AUTS2: variants seen among roughly 807,000 people sequenced by gnomAD.
AUTS2 encodes the protein autism susceptibility gene 2 protein.
A neutral mutation model predicts 112.4 loss-of-function variants in AUTS2; 17 were observed. The observed-to-expected ratio is 0.15, with a 90% CI of 0.10 to 0.23. AUTS2 has a LOEUF of 0.23. Ranked by LOEUF, AUTS2 falls within the 10% of genes least tolerant of loss-of-function variation. The probability of loss-of-function intolerance (pLI) is 1.00; values close to 1 mark genes in which losing one functional copy is unlikely to be tolerated. For synonymous variants in AUTS2, 751 were observed against 702.7 expected, an observed-to-expected ratio of 1.07 and a Z score of -1.09; for missense variants, 1,510 against 1,701.6, an observed-to-expected ratio of 0.89 and a Z score of 1.98.
At chr7:69,688,859 A>G (rs570344824) in intron 1 of AUTS2, among the ~76,000 whole-genome samples, 4 of 152,364 alleles carry the variant, frequency 2.6e-5, no homozygotes, top group African/African-American at 9.6e-5. Flanking sequence ...GTCCATATCA[A>G]CAATACATAT....
chr7:70,360,358 G>T (rs1481282225), intron 4 of AUTS2, among the ~76,000 whole-genome samples: 1 of 152,112 alleles, frequency 6.6e-6, no homozygotes, highest in Non-Finnish European at 1.5e-5. Context: ...TGTTGTCCAG[G>T]CTGGTCTCAA....
intron 5 of AUTS2, among the ~76,000 whole-genome samples, chr7:70,526,811 C>T (rs1254689837): frequency 6.6e-6 from 1 of 152,210 alleles, no homozygotes; most frequent in Non-Finnish European, 1.5e-5. Context: ...GAAGTTCCTG[C>T]CCTTGCCTCC....
intron 4 of AUTS2, among the ~76,000 whole-genome samples, chr7:70,353,561 C>T (rs115366576): frequency 9.9e-4 from 150 of 152,236 alleles, no homozygotes; most frequent in African/African-American, 3.2e-3. Flanking sequence ...TAACTTGATC[C>T]GATCTTTCTC....
At chr7:70,700,351 G>C (rs1476311157) in intron 6 of AUTS2, among the ~76,000 whole-genome samples, 1 of 152,124 alleles carries the variant, frequency 6.6e-6, no homozygotes, top group Non-Finnish European at 1.5e-5. Context: ...ATCAACATAG[G>C]CTTTTTCTAA....
intron 4 of AUTS2, among the ~76,000 whole-genome samples, chr7:70,237,501 G>T (rs764940002): frequency 6.6e-6 from 1 of 152,200 alleles, no homozygotes; most frequent in Non-Finnish European, 1.5e-5. Flanking sequence ...TGTGTCCAAA[G>T]TGTAATATTT....
intron 4 of AUTS2, among the ~76,000 whole-genome samples, chr7:70,175,907 T>C (rs929654038): frequency 6.6e-6 from 1 of 152,208 alleles, no homozygotes; most frequent in African/African-American, 2.4e-5. Context: ...CAAAAGTTCA[T>C]GGGACTTGCT....
At chr7:70,653,081 T>C (rs79327251) in intron 5 of AUTS2, among the ~76,000 whole-genome samples, 1 of 152,080 alleles carries the variant, frequency 6.6e-6, no homozygotes, top group East Asian at 1.9e-4. Flanking sequence ...ATAGGAAGAC[T>C]CTATCTCTAC....
intron 5 of AUTS2, among the ~76,000 whole-genome samples, chr7:70,532,453 T>A (rs969621411): frequency 1.3e-5 from 2 of 152,132 alleles, no homozygotes; most frequent in African/African-American, 4.8e-5. Context: ...CCCTGTTATA[T>A]GAAGGTGTAG....
At chr7:69,959,861 C>T (rs565111888) in intron 2 of AUTS2, among the ~76,000 whole-genome samples, 2 of 152,208 alleles carry the variant, frequency 1.3e-5, no homozygotes, top group African/African-American at 4.8e-5. Context: ...GTATAGAAGG[C>T]ACTCCATAAA....
chr7:70,497,127 G>T (rs1427744765), intron 5 of AUTS2, among the ~76,000 whole-genome samples: 2 of 103,752 alleles, frequency 1.9e-5, no homozygotes, highest in African/African-American at 3.7e-5. Flanking sequence ...ACATGCACAC[G>T]TCACATCAGC....
chr7:69,879,383 C>T (rs1265065965), intron 1 of AUTS2, among the ~76,000 whole-genome samples: 1 of 151,364 alleles, frequency 6.6e-6, no homozygotes, highest in Non-Finnish European at 1.5e-5. Context: ...CTCCTGGGCT[C>T]AAGTCATCCA....
intron 5 of AUTS2, among the ~76,000 whole-genome samples, chr7:70,453,845 C>T (rs1220356346): frequency 6.6e-6 from 1 of 152,216 alleles, no homozygotes; most frequent in African/African-American, 2.4e-5. Context: ...CTTAATTAGT[C>T]CTATCTGCAA....
In AUTS2 at chr7:70,343,730, A is replaced by G. The variant is rs368386454; in HGVS notation, c.661-92022A>G. Among the ~76,000 whole-genome samples the G allele has an allele frequency of 7.9e-5, 12 of 152,278 alleles. No homozygotes were observed. The East Asian group carries it at 1.9e-3, about 24-fold the overall frequency. On this transcript the variant is annotated intron_variant, in intron 4 of 18. Transcript: ENST00000342771. ...GCCCGGGATAAAGAGAAGGTGGGGC[A>G]TTTGTGAAGGGGATTATGTTTTCCT... is the stretch of plus-strand genomic sequence containing the variant.
chr7:70,236,767 T>A (rs1364608606), intron 4 of AUTS2, among the ~76,000 whole-genome samples: 1 of 152,230 alleles, frequency 6.6e-6, no homozygotes, highest in Non-Finnish European at 1.5e-5. Context: ...TCGTTGTTAT[T>A]TTCTCTGTCC....
chr7:70,684,580 G>C (rs1352433298), intron 5 of AUTS2, among the ~76,000 whole-genome samples: 1 of 151,406 alleles, frequency 6.6e-6, no homozygotes, highest in African/African-American at 2.4e-5. Flanking sequence ...GTGGTATGGT[G>C]TGGCGTGGCA....
At chr7:69,893,159 T>C (rs1180820945) in intron 1 of AUTS2, among the ~76,000 whole-genome samples, 2 of 152,210 alleles carry the variant, frequency 1.3e-5, no homozygotes, top group Non-Finnish European at 2.9e-5. Context: ...ATATTTGTTT[T>C]TAAAAGATGT....
At chr7:69,620,657 C>A (rs916737892) in intron 1 of AUTS2, among the ~76,000 whole-genome samples, 6 of 152,274 alleles carry the variant, frequency 3.9e-5, no homozygotes, top group African/African-American at 1.4e-4. Context: ...TAAAAAGAAT[C>A]ATCTAAAATA....
chr7:70,586,319 T>C lies in AUTS2; in HGVS notation c.691-112250T>C, dbSNP rs188623490. Among the ~76,000 whole-genome samples, 311 of 152,318 alleles carry C rather than the reference T, an allele frequency of 2.0e-3. 1 individual carries two copies. Among genetic ancestry groups the C allele is most frequent in the Middle Eastern group, 0.017 (5 of 294 alleles). Reference sequence around the variant, plus strand: ...TATCTGAAATATATATTTCTCCAGCTATATGGTGGCTCTACAGGTTTTCCT... The same window carrying C: ...TATCTGAAATATATATTTCTCCAGCCATATGGTGGCTCTACAGGTTTTCCT... On this transcript the variant is annotated intron_variant, in intron 5 of 18. Transcript: ENST00000342771.
intron 1 of AUTS2, among the ~76,000 whole-genome samples, chr7:69,760,420 T>C (rs1788136552): frequency 6.6e-6 from 1 of 151,744 alleles, no homozygotes; most frequent in Non-Finnish European, 1.5e-5. Context: ...GAGAAGGACT[T>C]CTTTAATATA....
Sources: allele counts gnomAD v4.1 joint callset (sites outside exome capture counted in the v4.1 genomes callset), GRCh38; gene constraint gnomAD v4.1.1; transcripts MANE v1.5; gene names NCBI Gene and HGNC (gene_info 2026-07-23, HGNC 2026-07-21).